The following AGAP1 variants were observed in gnomAD, a reference collection of about 807,000 sequenced individuals.
AGAP1 encodes arf-GAP with GTPase, ANK repeat and PH domain-containing protein 1.
In AGAP1, 29 loss-of-function variants were observed where a neutral mutation model predicts 105.3. The ratio of observed to expected loss-of-function variants is 0.28; its 90% CI spans 0.21 to 0.38. AGAP1 has a LOEUF of 0.38. Ranked by LOEUF, AGAP1 falls within the 10% of genes least tolerant of loss-of-function variation. AGAP1 has a pLI of 1.00. For missense variants in AGAP1, 998 were observed against 1,165.1 expected (o/e 0.86, Z 2.09); for synonymous variants, 509 against 485.9 (o/e 1.05, Z -0.63).
intron 1 of AGAP1, among the ~76,000 whole-genome samples, chr2:235,706,329 A>G (rs1559375694): frequency 6.6e-6 from 1 of 152,140 alleles, no homozygotes; most frequent in Non-Finnish European, 1.5e-5. Context: ...GGTTGATGCC[A>G]TTCTCCTGCC....
At chr2:235,707,484 C>G (rs1575184160) in intron 1 of AGAP1, among the ~76,000 whole-genome samples, 1 of 119,150 alleles carries the variant, frequency 8.4e-6, no homozygotes, top group African/African-American at 2.9e-5. Context: ...CCCCCCCCCC[C>G]CCGCCCAGAA....
In AGAP1 at chr2:235,777,704, C is replaced by A. The variant is rs1250752893; in HGVS notation, c.674-20055C>A. On this transcript the variant is annotated intron_variant, in intron 6 of 17. Transcript: ENST00000304032. The surrounding 1 kb of genome is among the most constrained non-coding windows in gnomAD (Gnocchi z 5.1). ...GCCCAGCACCTTCCTAGAGCACCGCCATTGGCATAAGGACTAGGTAGGCAG... is the reference window on the plus strand; with the variant it reads ...GCCCAGCACCTTCCTAGAGCACCGCAATTGGCATAAGGACTAGGTAGGCAG... 6.6e-6 allele frequency among the ~76,000 whole-genome samples: 1 copy of A among 152,182 alleles called. No individual in the cohort carries two copies. Among genetic ancestry groups the A allele is most frequent in the Non-Finnish European group, 1.5e-5 (1 of 68,032 alleles).
At chr2:235,943,665 G>A (rs575477239) in intron 12 of AGAP1, among the ~76,000 whole-genome samples, 2 of 152,204 alleles carry the variant, frequency 1.3e-5, no homozygotes, top group South Asian at 4.2e-4. Flanking sequence ...AAATTTTGGG[G>A]GGTATCGAGA....
At chr2:235,945,708 A>G (rs574898099) in intron 12 of AGAP1, among the ~76,000 whole-genome samples, 1 of 152,196 alleles carries the variant, frequency 6.6e-6, no homozygotes, top group South Asian at 2.1e-4. Context: ...CCGTTCTCAC[A>G]CTGCTATAAA....
intron 1 of AGAP1, among the ~76,000 whole-genome samples, chr2:235,644,788 T>C (rs1559310666): frequency 6.6e-6 from 1 of 152,194 alleles, no homozygotes; most frequent in Non-Finnish European, 1.5e-5. Flanking sequence ...GTTACTGATG[T>C]GTTGACGCTA....
At chr2:235,978,902 T>TA (rs897766164) in intron 13 of AGAP1, among the ~76,000 whole-genome samples, 2 of 152,010 alleles carry the variant, frequency 1.3e-5, no homozygotes, top group African/African-American at 2.4e-5. Context: ...CACACTCTGA[T>TA]ACGTTTTTAA....
In AGAP1 at chr2:235,561,593, C is replaced by A. The variant is rs771007277; in HGVS notation, c.163+66744C>A. On this transcript the variant is annotated intron_variant, in intron 1 of 17. Coordinates refer to ENST00000304032, the MANE Select transcript of AGAP1 (RefSeq NM_001037131.3). ...GTTTAGGGCTGACCCTGGACAGTCC[C>A]AGCCCCAGGCAAGTGTTCTTGAGGC... is the stretch of plus-strand genomic sequence containing the variant. Among the ~76,000 whole-genome samples the A allele has an allele frequency of 2.8e-4, 42 of 152,316 alleles. 1 individual carries two copies. The highest frequency in any genetic ancestry group is 3.4e-3 in the Middle Eastern group (1 of 294).
At chr2:235,925,702 G>A (rs188565832) in intron 11 of AGAP1, among the ~76,000 whole-genome samples, 16 of 152,256 alleles carry the variant, frequency 1.1e-4, no homozygotes, top group Admixed American at 3.9e-4. Context: ...GACTGTCGGC[G>A]GCCACGTGGG....
chr2:235,760,968 G>T (rs542557752), intron 6 of AGAP1, among the ~76,000 whole-genome samples: 1 of 152,312 alleles, frequency 6.6e-6, no homozygotes, highest in South Asian at 2.1e-4. Context: ...AAATGTTTAG[G>T]TGGGGGAGGG....
chr2:235,644,433 T>A (rs1332736393), intron 1 of AGAP1, among the ~76,000 whole-genome samples: 1 of 152,154 alleles, frequency 6.6e-6, no homozygotes, highest in Non-Finnish European at 1.5e-5. Flanking sequence ...CACATACGTT[T>A]CCATGGAGTC....
intron 15 of AGAP1, among the ~76,000 whole-genome samples, chr2:236,041,370 C>A (rs559060745): frequency 6.8e-6 from 1 of 146,410 alleles, no homozygotes; most frequent in South Asian, 2.2e-4. Flanking sequence ...CTGGGTTTTG[C>A]CATCAAATGA....
chr2:235,816,437 CAAAAAAAAAA>C (rs79795818), intron 9 of AGAP1, among the ~76,000 whole-genome samples: 1 of 97,920 alleles, frequency 1.0e-5, no homozygotes, highest in Non-Finnish European at 2.1e-5. Context: ...GACTCCGTCT[CAAAAAAAAAA>C]AAAAAAAAAA....
At position 235,557,484 on chromosome 2, in the gene AGAP1, G is replaced by A. The variant is rs929387269; in HGVS notation, c.163+62635G>A. ...GTCTGAGTTCATTCCGAAGATTCTG[G>A]CTTTTGAGAACTTATATAAAGAGAA... is the stretch of plus-strand genomic sequence containing the variant. On this transcript the variant is annotated intron_variant, in intron 1 of 17. Transcript: ENST00000304032. The surrounding 1 kb of genome is among the most constrained non-coding windows in gnomAD (Gnocchi z 4.7). Among the ~76,000 whole-genome samples, 2 of 152,162 alleles carry A rather than the reference G, an allele frequency of 1.3e-5. No individual in the cohort carries two copies. Among genetic ancestry groups the A allele is most frequent in the Admixed American group, 1.3e-4 (2 of 15,284 alleles).
chr2:235,699,016 G>A (rs1950128799), intron 1 of AGAP1, among the ~76,000 whole-genome samples: 1 of 152,090 alleles, frequency 6.6e-6, no homozygotes, highest in African/African-American at 2.4e-5. Flanking sequence ...ACCTGTGGCT[G>A]GTTGGTGGTG....
intron 9 of AGAP1, among the ~76,000 whole-genome samples, chr2:235,868,113 T>G (rs973992569): frequency 1.3e-5 from 2 of 152,124 alleles, no homozygotes; most frequent in Non-Finnish European, 2.9e-5. Context: ...TGTTCCAAAG[T>G]GTAATGAATG....
rs1264375571 is a variant in AGAP1 at position 235,951,469 on chromosome 2, A to G, written c.1484-16993A>G. 1.3e-5 allele frequency among the ~76,000 whole-genome samples: 2 copies of G among 152,176 alleles called. No homozygotes were observed. Among genetic ancestry groups the G allele is most frequent in the African/African-American group, 4.8e-5 (2 of 41,436 alleles). Reference sequence around the variant, plus strand: ...TCTTACTTGCCCAAAGCTTAGTCAAAATTATGAGATTTCCTCTGAACTTTG... The same window carrying G: ...TCTTACTTGCCCAAAGCTTAGTCAAGATTATGAGATTTCCTCTGAACTTTG... On this transcript the variant is annotated intron_variant, in intron 12 of 17. Coordinates refer to ENST00000304032, the MANE Select transcript of AGAP1 (RefSeq NM_001037131.3). The surrounding 1 kb of genome is among the most constrained non-coding windows in gnomAD (Gnocchi z 4.2).
At chr2:235,869,902 A>G (rs2049354896) in intron 9 of AGAP1, among the ~76,000 whole-genome samples, 1 of 152,208 alleles carries the variant, frequency 6.6e-6, no homozygotes, top group South Asian at 2.1e-4. Flanking sequence ...TGACCTCTTA[A>G]CAAGGCTGCG....
rs1043708076 is a variant in AGAP1 at position 235,720,982 on chromosome 2, C to G, written c.310+3338C>G. On this transcript the variant is annotated intron_variant, in intron 3 of 17. Transcript: ENST00000304032. This position sits in a 1 kb window ranked among gnomAD's most constrained non-coding sequence, Gnocchi z 5.0. ...TTATTCTTGTAGTGAAGAGAGCCAA[C>G]TCACAAGATTTAGATTATTTTATTT... is the stretch of plus-strand genomic sequence containing the variant. Among the ~76,000 whole-genome samples, 2 of 152,110 alleles carry G rather than the reference C, an allele frequency of 1.3e-5. No individual in the cohort carries two copies. The highest frequency in any genetic ancestry group is 4.8e-5 in the African/African-American group (2 of 41,430).
At chr2:235,562,321 G>A (rs1370413498) in intron 1 of AGAP1, among the ~76,000 whole-genome samples, 3 of 152,100 alleles carry the variant, frequency 2.0e-5, no homozygotes, top group Admixed American at 6.5e-5. Flanking sequence ...TCTCTGTGGC[G>A]TGAGGAGTGG....
Sources: allele counts gnomAD v4.1 joint callset (sites outside exome capture counted in the v4.1 genomes callset), GRCh38; gene constraint gnomAD v4.1.1; non-coding constraint Gnocchi (gnomAD v3.1); transcripts MANE v1.5; gene names NCBI Gene and HGNC (gene_info 2026-07-23, HGNC 2026-07-21).